The following KCNN2 variants were observed in gnomAD, a reference collection of about 807,000 sequenced individuals.
KCNN2 encodes the protein small conductance calcium-activated potassium channel protein 2.
A neutral mutation model predicts 55.5 loss-of-function variants in KCNN2; 24 were observed. That is an observed-to-expected ratio of 0.43 (90% CI 0.31 to 0.61). The LOEUF is 0.61. Among genes scored for constraint, KCNN2 ranks in the 20% least tolerant of loss-of-function variants. KCNN2 has a pLI of 0.08. For synonymous variants in KCNN2, 431 were observed against 336.1 expected (o/e 1.28, Z -3.09); for missense variants, 754 against 853.6 (o/e 0.88, Z 1.45).
intron 1 of KCNN2, among the ~76,000 whole-genome samples, chr5:114,079,723 G>A (rs1046837605): frequency 1.3e-5 from 2 of 152,108 alleles, no homozygotes; most frequent in African/African-American, 4.8e-5. Context: ...TTTAGGAAGT[G>A]GAGGGAGTCT....
intron 1 of KCNN2, among the ~76,000 whole-genome samples, chr5:114,136,166 C>G (rs1027364484): frequency 9.2e-5 from 14 of 152,134 alleles, no homozygotes; most frequent in African/African-American, 3.4e-4. Flanking sequence ...TTGCAATAGC[C>G]TCTAGTTTAA....
intron 2 of KCNN2, among the ~76,000 whole-genome samples, chr5:114,265,905 CT>C (rs1394957607): frequency 5.3e-5 from 8 of 152,086 alleles, no homozygotes; most frequent in Non-Finnish European, 7.4e-5. Context: ...ATTGTATTTG[CT>C]TTGGAGAGAT....
chr5:114,205,875 G>A (rs1165932069), intron 1 of KCNN2, among the ~76,000 whole-genome samples: 10 of 152,060 alleles, frequency 6.6e-5, no homozygotes, highest in Non-Finnish European at 1.5e-5. Flanking sequence ...CTTTTCAAAG[G>A]AATAGAATAG....
intron 1 of KCNN2, among the ~76,000 whole-genome samples, chr5:114,105,247 T>G (rs1423537153): frequency 6.6e-6 from 1 of 152,024 alleles, no homozygotes; most frequent in East Asian, 1.9e-4. Flanking sequence ...GTGTTTTGGT[T>G]GTTGAGATCC....
intron 2 of KCNN2, among the ~76,000 whole-genome samples, chr5:114,336,429 G>C (rs1019088657): frequency 6.6e-6 from 1 of 152,186 alleles, no homozygotes; most frequent in African/African-American, 2.4e-5. Flanking sequence ...AGAACATGAA[G>C]AGTGCTCAAA....
At chr5:114,373,569 T>C (rs1334580659) in intron 2 of KCNN2, among the ~76,000 whole-genome samples, 1 of 144,356 alleles carries the variant, frequency 6.9e-6, no homozygotes, top group Non-Finnish European at 1.5e-5. Flanking sequence ...TTAATCTCTC[T>C]GAACTTCAAT....
intron 3 of KCNN2, among the ~76,000 whole-genome samples, chr5:114,424,808 G>A (rs541038009): frequency 2.2e-3 from 335 of 152,346 alleles, no homozygotes; most frequent in Non-Finnish European, 3.8e-3. Flanking sequence ...CATATGTGAA[G>A]TAGCAAATGT....
intron 1 of KCNN2, among the ~76,000 whole-genome samples, chr5:114,165,114 T>C (rs528869804): frequency 6.6e-5 from 10 of 152,290 alleles, no homozygotes; most frequent in African/African-American, 1.2e-4. Context: ...ACCACTGTTA[T>C]AAATAGTCAA....
At chr5:114,489,243 AC>A (rs1284709209) in intron 6 of KCNN2, among the ~76,000 whole-genome samples, 3 of 152,140 alleles carry the variant, frequency 2.0e-5, no homozygotes, top group African/African-American at 4.8e-5. Context: ...AGGGGTTTTT[AC>A]CGTAAAATGC....
intron 2 of KCNN2, among the ~76,000 whole-genome samples, chr5:114,254,800 G>T (rs965554265): frequency 4.6e-5 from 7 of 151,890 alleles, no homozygotes; most frequent in African/African-American, 1.7e-4. Flanking sequence ...TTAAAAACAA[G>T]CAAACAAATG....
At chr5:114,142,033 C>T (rs779435471) in intron 1 of KCNN2, among the ~76,000 whole-genome samples, 2 of 151,932 alleles carry the variant, frequency 1.3e-5, no homozygotes, top group African/African-American at 4.8e-5. Context: ...GGATATTAGC[C>T]CTTTGTCAGA....
chr5:114,492,866 T>C (rs1747927551), intron 6 of KCNN2, among the ~76,000 whole-genome samples: 1 of 151,016 alleles, frequency 6.6e-6, no homozygotes, highest in Non-Finnish European at 1.5e-5. Flanking sequence ...TTGTGTTATA[T>C]TGCTGCTGGT....
intron 1 of KCNN2, among the ~76,000 whole-genome samples, chr5:114,195,027 T>G (rs1357532417): frequency 1.3e-5 from 2 of 152,000 alleles, no homozygotes; most frequent in African/African-American, 4.8e-5. Context: ...TGTGGATTCT[T>G]AATTCTGTTT....
At chr5:114,386,402 T>G (rs531006067) in intron 2 of KCNN2, among the ~76,000 whole-genome samples, 9 of 152,194 alleles carry the variant, frequency 5.9e-5, no homozygotes, top group African/African-American at 2.2e-4. Flanking sequence ...GAAAAAACAA[T>G]TGTTCAATTA....
chr5:114,447,021 G>A (rs1017401636), intron 3 of KCNN2, among the ~76,000 whole-genome samples: 1 of 152,292 alleles, frequency 6.6e-6, no homozygotes, highest in South Asian at 2.1e-4. Flanking sequence ...AGTGGCCACT[G>A]TGTTGCACAG....
chr5:114,307,451 T>C (rs3112772), intron 2 of KCNN2, among the ~76,000 whole-genome samples: 149,538 of 152,264 alleles, frequency 0.98, 73,489 homozygotes, highest in Non-Finnish European at 1. Flanking sequence ...TCTGATAATT[T>C]TGTCAACCTT....
At chr5:114,475,436 A>G (rs1761922405) in intron 5 of KCNN2, among the ~76,000 whole-genome samples, 1 of 152,104 alleles carries the variant, frequency 6.6e-6, no homozygotes, top group Admixed American at 6.6e-5. Context: ...CCACCTTTTA[A>G]TGTGCTGTTC....
At chr5:114,262,406 A>T (rs1034327158) in intron 2 of KCNN2, among the ~76,000 whole-genome samples, 8 of 152,204 alleles carry the variant, frequency 5.3e-5, no homozygotes, top group Admixed American at 2.0e-4. Flanking sequence ...AAACACAAGA[A>T]GTTATATGAC....
intron 1 of KCNN2, among the ~76,000 whole-genome samples, chr5:114,154,115 T>C (rs935181653): frequency 1.3e-5 from 2 of 152,164 alleles, no homozygotes; most frequent in African/African-American, 4.8e-5. Context: ...CTTCATGTTT[T>C]ACTCCAGTCT....
Sources: gnomAD v4.1 joint callset for allele counts (sites outside exome capture counted in the v4.1 genomes callset) on GRCh38, gnomAD v4.1.1 for gene constraint, MANE v1.5 for transcripts, NCBI Gene and HGNC (gene_info 2026-07-23, HGNC 2026-07-21) for gene names.